The following VPS13C variants were observed in gnomAD, a reference collection of about 807,000 sequenced individuals.
The protein encoded by VPS13C is vacuolar protein sorting 13 homolog C.
VPS13C carries 358 observed loss-of-function variants against 456.8 expected under a neutral mutation model. That is an observed-to-expected ratio of 0.78 (90% CI 0.72 to 0.86). The LOEUF (loss-of-function observed/expected upper bound fraction) is 0.86. Among genes scored for constraint, VPS13C ranks in the 40% least tolerant of loss-of-function variants. The probability of loss-of-function intolerance (pLI) is 0.00; values close to 1 mark genes in which losing one functional copy is unlikely to be tolerated. For synonymous variants in VPS13C, 1,578 were observed against 1,486.7 expected, an observed-to-expected ratio of 1.06 and a Z score of -1.41; for missense variants, 4,818 against 4,385.4, an observed-to-expected ratio of 1.10 and a Z score of -2.79.
At chr15:61,857,782 G>T (rs1170606884) in intron 82 of VPS13C, among the ~76,000 whole-genome samples, 1 of 152,164 alleles carries the variant, frequency 6.6e-6, no homozygotes, top group African/African-American at 2.4e-5. Flanking sequence ...CTCTGAGAAG[G>T]GGGAAGAAAG....
Position 62,020,438 on chromosome 15 carries a change from T to G in VPS13C, c.684+41A>C, listed in dbSNP as rs767087791. 5.1e-6 allele frequency: 8 copies of G among 1,559,664 alleles called. 1 individual carries two copies. The East Asian group carries it at 1.6e-4, about 31-fold the overall frequency. On this transcript the variant is annotated intron_variant, in intron 9 of 84. Transcript: ENST00000644861. ...TTACCCTGTGACTTCAGAATAATAC[T>G]TTACAGGTTCCATAGAAGTTTAAAA...
At chr15:62,059,836 C>A (rs2048932853) in intron 1 of VPS13C, among the ~76,000 whole-genome samples, 1 of 152,182 alleles carries the variant, frequency 6.6e-6, no homozygotes, top group South Asian at 2.1e-4. Context: ...AAGATAACTG[C>A]GAGATGCAAC....
intron 16 of VPS13C, among the ~76,000 whole-genome samples, chr15:62,000,354 G>A (rs2046566655): frequency 6.6e-6 from 1 of 152,012 alleles, no homozygotes; most frequent in Non-Finnish European, 1.5e-5. Context: ...GACAGAGCAA[G>A]ACTCCATCTC....
intron 53 of VPS13C, among the ~76,000 whole-genome samples, chr15:61,924,232 G>T (rs2043766484): frequency 6.6e-6 from 1 of 152,074 alleles, no homozygotes. Flanking sequence ...GTTCTGTCTG[G>T]ATAAACCTTT....
chr15:62,033,534 A>G lies in VPS13C; in HGVS notation c.292T>C (p.Tyr98His). ...GATTTTTCTTCTTTTACAGCATCAT[A>G]CTTAATACCTAAAAATATACAGTCA... ...LLVVPGASIK[Y>H]DAVKEEKSLQ... Residue 98 changes from tyrosine (Y) to histidine (H), a missense_variant, in exon 5 of 85, where the codon TAT becomes CAT. By Grantham distance (83) the Tyr-to-His change is moderately conservative. This residue lies in a region of VPS13C where 4,552 missense variants were observed against 4,130.6 expected (regional missense o/e 1.10). Transcript: ENST00000644861. 6.3e-7 allele frequency: 1 copy of G among 1,588,106 alleles called. No individual in the cohort carries two copies. The highest frequency in any genetic ancestry group is 8.6e-7 in the Non-Finnish European group (1 of 1,164,592).
rs1340379188 is a variant in VPS13C, at chr15:62,041,364, A to G, written c.147T>C (p.Ser49=). 1 of 1,605,266 alleles carries G rather than the reference A, an allele frequency of 6.2e-7. No individual in the cohort carries two copies. The highest frequency in any genetic ancestry group is 1.7e-5 in the Admixed American group (1 of 57,328). ...DNLQIKENAL[S]ELDVPFKVKA... ...TGACTTTAAAAGGAACATCCAATTCACTCTTCAGAAGAAAGAGAAAATGTA... is the reference window on the plus strand; with the variant it reads ...TGACTTTAAAAGGAACATCCAATTCGCTCTTCAGAAGAAAGAGAAAATGTA... Residue 49 remains serine (S), a splice_region_variant and synonymous_variant, in exon 3 of 85, where the codon AGT becomes AGC. Coordinates refer to ENST00000644861, the MANE Select transcript of VPS13C (RefSeq NM_020821.3).
intron 12 of VPS13C, among the ~76,000 whole-genome samples, chr15:62,010,988 G>A (rs1359188976): frequency 6.6e-6 from 1 of 152,002 alleles, no homozygotes; most frequent in East Asian, 1.9e-4. Flanking sequence ...TGATAAATTT[G>A]TCTTATTTAA....
rs938750425 is a variant in VPS13C, at chr15:61,917,369, A to G, written c.8027T>C (p.Leu2676Pro). 2 of 1,613,728 alleles carry G rather than the reference A, an allele frequency of 1.2e-6. No homozygotes were observed. Among genetic ancestry groups the G allele is most frequent in the Non-Finnish European group, 1.7e-6 (2 of 1,179,780 alleles). ...AAGTAAATATCTTAGGGAATATGGG[A>G]GAAGATTCCGCAAAGTGAGAGAAGG... Reference protein sequence around the residue: ...LYPSLTLRNLLPYSLRYLLEG... With the variant: ...LYPSLTLRNLPPYSLRYLLEG... Residue 2676 changes from leucine to proline, a missense_variant, in exon 60 of 85, where the codon CTC becomes CCC. By Grantham distance (98) the Leu-to-Pro change is moderately conservative. Transcript: ENST00000644861.
At chr15:61,962,198 A>G (rs1489564428) in intron 34 of VPS13C, among the ~76,000 whole-genome samples, 173 bp downstream of exon 34, 1 of 152,164 alleles carries the variant, frequency 6.6e-6, no homozygotes, top group East Asian at 1.9e-4. Flanking sequence ...AAAATCATTA[A>G]ATGATTCACT....
At position 61,931,074 on chromosome 15, in the gene VPS13C, C is replaced by T. The variant is rs9788670; in HGVS notation, c.6038+16G>A. 875,070 of 1,612,692 alleles carry T rather than the reference C, an allele frequency of 0.54. 239,501 individuals carry two copies. The highest frequency in any genetic ancestry group is 0.68 in the Admixed American group (40,695 of 59,990). On this transcript the variant is annotated intron_variant, in intron 50 of 84. Coordinates refer to ENST00000644861, the MANE Select transcript of VPS13C (RefSeq NM_020821.3). ...TCAACCTTAAATAATGTATTGCAAA[C>T]TCAGAGCTGACAAACCTCGATGTTG... is the stretch of plus-strand genomic sequence containing the variant.
intron 5 of VPS13C, among the ~76,000 whole-genome samples, chr15:62,030,424 T>G (rs1596502485): frequency 6.6e-6 from 1 of 152,138 alleles, no homozygotes; most frequent in East Asian, 1.9e-4. Context: ...TTCCAATTCA[T>G]CTTCTGCCGT....
intron 67 of VPS13C, among the ~76,000 whole-genome samples, chr15:61,888,507 T>C (rs1596294763): frequency 6.6e-6 from 1 of 152,156 alleles, no homozygotes; most frequent in Non-Finnish European, 1.5e-5. Context: ...TACAATGGAC[T>C]ATTATTCAAT....
Position 61,917,482 on chromosome 15 carries a change from T to A in VPS13C, c.7914A>T (p.Ile2638=). ...CATCAGGCAGAGCAACTGTATTCACTATGAGAGGTAAGAAGCTGACTTCTA... is the reference window on the plus strand; with the variant it reads ...CATCAGGCAGAGCAACTGTATTCACAATGAGAGGTAAGAAGCTGACTTCTA... ...PSVEVSFLPL[I]VNTVALPDEL... The change falls in exon 60 of 85, where the codon ATA becomes ATT. Residue 2638 remains isoleucine (I), a synonymous_variant. Transcript: ENST00000644861. 6.2e-7 allele frequency: 1 copy of A among 1,614,060 alleles called. No individual in the cohort carries two copies. Among genetic ancestry groups the A allele is most frequent in the Non-Finnish European group, 8.5e-7 (1 of 1,179,926 alleles).
At chr15:61,866,604 CT>C in intron 81 of VPS13C, 1 of 984,372 alleles carries the variant, frequency 1.0e-6, no homozygotes. Context: ...TCCTAGAAAA[CT>C]GCATGTGGTG....
rs1331741686 is a variant in VPS13C at position 61,882,639 on chromosome 15, G to C, written c.9581C>G (p.Ser3194Cys). ...GGCCCTTAAACTTCTCTGGTGAGAA[G>C]ACTGCTTAAATTCAATCTGAATTCC... ...LSGIQIEFKQSSHQRSLRARL... is the reference protein window; with the variant it reads ...LSGIQIEFKQCSHQRSLRARL... Residue 3194 changes from serine to cysteine, a missense_variant, in exon 69 of 85, where the codon TCT becomes TGT. Physicochemically the swap from Ser to Cys is moderately radical, Grantham distance 112. This residue lies in a region of VPS13C where 4,552 missense variants were observed against 4,130.6 expected (regional missense o/e 1.10). Transcript: ENST00000644861. The C allele has an allele frequency of 2.5e-6, 4 of 1,602,828 alleles. No individual in the cohort carries two copies. In the African/African-American group the frequency reaches 4.0e-5, roughly 16 times the overall value.
chr15:61,863,254 C>T (rs915954000), intron 82 of VPS13C, among the ~76,000 whole-genome samples, 186 bp downstream of exon 82: 3 of 151,792 alleles, frequency 2.0e-5, no homozygotes, highest in Non-Finnish European at 4.4e-5. Context: ...ATGAGGAGGT[C>T]GGAAAAGAAA....
intron 19 of VPS13C, among the ~76,000 whole-genome samples, 171 bp from the exon 20 acceptor site, chr15:61,984,183 A>G (rs1257832411): frequency 6.6e-6 from 1 of 152,172 alleles, no homozygotes; most frequent in Admixed American, 6.5e-5. Context: ...CTCACACACA[A>G]TCTGGTTTGC....
In VPS13C at chr15:61,934,291, CTG is replaced by C; in HGVS notation, c.5794_5795del (p.Gln1932AspfsTer7). On this transcript the variant is annotated frameshift_variant, in exon 49 of 85. Transcript: ENST00000644861. LOFTEE classifies it high-confidence loss of function. ...GAAAGTCAAATTGGAGACTGACAAT[CTG>C]GTTCATAGAGAGCTTTGAGTCTGTC... ...DWTDSKLSMN[Q>X]IVSLQFDFHF... The C allele has an allele frequency of 6.3e-7, 1 of 1,596,854 alleles. No individual in the cohort carries two copies. The highest frequency in any genetic ancestry group is 1.7e-4 in the Middle Eastern group (1 of 5,996).
Position 61,969,428 on chromosome 15 carries a change from G to T in VPS13C, c.2782C>A (p.Gln928Lys). Residue 928 changes from glutamine (Q) to lysine (K), a missense_variant, in exon 28 of 85, where the codon CAG (glutamine) becomes AAG (lysine). Around this residue, in one of 3 missense-constraint regions of VPS13C, gnomAD observed 4,552 missense variants for 4,130.6 expected, o/e 1.10. Transcript: ENST00000644861. Reference protein sequence around the residue: ...KEVILEFTKQQKEEDTILVFN... With the variant: ...KEVILEFTKQKKEEDTILVFN... The stretch of plus-strand genomic sequence containing the variant: ...ACTAGAATTGTATCTTCTTCTTTCT[G>T]CTGTTTAGTAAATTCCAAAATCACC... 6.4e-7 allele frequency: 1 copy of T among 1,556,982 alleles called. No homozygotes were observed. Among genetic ancestry groups the T allele is most frequent in the Non-Finnish European group, 8.7e-7 (1 of 1,149,864 alleles).
Sources: gnomAD v4.1 joint callset for allele counts (sites outside exome capture counted in the v4.1 genomes callset) on GRCh38, gnomAD v4.1.1 for gene constraint, gnomAD v4.1.1 regional missense constraint, MANE v1.5 for transcripts, NCBI Gene and HGNC (gene_info 2026-07-23, HGNC 2026-07-21) for gene names.